The following GUCY2F variants were observed in gnomAD, a reference collection of about 807,000 sequenced individuals.
GUCY2F encodes the protein retinal guanylyl cyclase 2.
Under a neutral mutation model 73.1 loss-of-function variants are expected in GUCY2F, and 61 were observed. The ratio of observed to expected loss-of-function variants is 0.83; its 90% CI spans 0.68 to 1.03. The LOEUF (loss-of-function observed/expected upper bound fraction) is 1.03, where lower values mean the gene tolerates loss of function less well. Among genes scored for constraint, GUCY2F ranks in the 50% least tolerant of loss-of-function variants. GUCY2F has a pLI of 0.00. For synonymous variants in GUCY2F, 331 were observed against 307.8 expected, an observed-to-expected ratio of 1.08 and a Z score of -0.79; for missense variants, 912 against 854.3, an observed-to-expected ratio of 1.07 and a Z score of -0.84.
At chrX:109,386,561 T>C (rs1237472760) in intron 15 of GUCY2F, among the ~76,000 whole-genome samples, 2 of 111,744 alleles carry the variant, frequency 1.8e-5, no homozygotes, top group Non-Finnish European at 3.8e-5. Flanking sequence ...CTAGAGAATT[T>C]TGAGCAAGGA....
chrX:109,467,522 C>T (rs1424314166), intron 2 of GUCY2F, among the ~76,000 whole-genome samples: 1 of 112,844 alleles, frequency 8.9e-6, no homozygotes, highest in African/African-American at 3.2e-5. Flanking sequence ...GTGTTTGGTG[C>T]TGATTGCAAT....
intron 3 of GUCY2F, among the ~76,000 whole-genome samples, chrX:109,455,798 C>G (rs1932246256): frequency 9.0e-6 from 1 of 111,278 alleles, no homozygotes; most frequent in Admixed American, 9.6e-5. Context: ...CCAATTCAGA[C>G]CTATATCCTA....
chrX:109,413,078 C>T lies in GUCY2F; in HGVS notation c.1792-3910G>A, dbSNP rs746296844. ...AAGGTCTATTTGTTAAAACATCTAGCATTACACTAATGGTACTAGCATGGG... is the reference window on the plus strand; with the variant it reads ...AAGGTCTATTTGTTAAAACATCTAGTATTACACTAATGGTACTAGCATGGG... On this transcript the variant is annotated intron_variant, in intron 8 of 19. Coordinates refer to ENST00000218006, the MANE Select transcript of GUCY2F (RefSeq NM_001522.3). 1.8e-5 allele frequency among the ~76,000 whole-genome samples: 2 copies of T among 112,416 alleles called. 1 individual carries two copies. Among genetic ancestry groups the T allele is most frequent in the South Asian group, 7.4e-4 (2 of 2,711 alleles).
chrX:109,415,379 A>T (rs1234927635), intron 8 of GUCY2F, among the ~76,000 whole-genome samples: 1 of 112,525 alleles, frequency 8.9e-6, no homozygotes, highest in East Asian at 2.8e-4. Context: ...TCCCCACAGC[A>T]TATTTTCTGA....
chrX:109,393,783 G>A (rs1930632684), intron 12 of GUCY2F, among the ~76,000 whole-genome samples: 1 of 112,302 alleles, frequency 8.9e-6, no homozygotes. Flanking sequence ...CATAGTATTA[G>A]AATCATGAGG....
chrX:109,412,619 G>C (rs1931138544), intron 8 of GUCY2F, among the ~76,000 whole-genome samples: 2 of 112,477 alleles, frequency 1.8e-5, no homozygotes, highest in Admixed American at 1.9e-4. Flanking sequence ...AAAGTAAAAA[G>C]TTGTCATATT....
intron 2 of GUCY2F, among the ~76,000 whole-genome samples, chrX:109,470,867 G>T (rs1021870035): frequency 1.5e-4 from 17 of 111,429 alleles, no homozygotes; most frequent in African/African-American, 5.6e-4. Context: ...ATGACATTGG[G>T]TAAGTTATTT....
chrX:109,389,400 G>C (rs1309292233), intron 14 of GUCY2F, among the ~76,000 whole-genome samples: 3 of 112,227 alleles, frequency 2.7e-5, no homozygotes, highest in Non-Finnish European at 5.6e-5. Context: ...AAGCTGAAGG[G>C]ACTTTTTATG....
chrX:109,391,448 G>A (rs1486368347), intron 14 of GUCY2F, among the ~76,000 whole-genome samples: 1 of 110,606 alleles, frequency 9.0e-6, no homozygotes, highest in Non-Finnish European at 1.9e-5. Flanking sequence ...GTACCTGAAG[G>A]AGGAGACCAA....
intron 2 of GUCY2F, among the ~76,000 whole-genome samples, chrX:109,467,338 G>A (rs1932489894): frequency 8.9e-6 from 1 of 111,928 alleles, no homozygotes; most frequent in Non-Finnish European, 1.9e-5. Context: ...GGCTTCGGTT[G>A]GCCAGTTTGT....
At position 109,374,767 on chromosome X, in the gene GUCY2F, G is replaced by A. The variant is rs371839446; in HGVS notation, c.*1+1131C>T. On this transcript the variant is annotated intron_variant, in intron 19 of 19. Coordinates refer to ENST00000218006, the MANE Select transcript of GUCY2F (RefSeq NM_001522.3). ...TTGGAAGACTGTAGAACAAATCCTG[G>A]CCCCAGGTGTCAGTGAGTCAGAGGG... Among the ~76,000 whole-genome samples the A allele has an allele frequency of 8.0e-5, 9 of 111,849 alleles. 1 individual carries two copies. The East Asian group carries it at 2.5e-3, about 32-fold the overall frequency.
chrX:109,438,483 T>A (rs185011085), intron 7 of GUCY2F, among the ~76,000 whole-genome samples: 1 of 112,899 alleles, frequency 8.9e-6, no homozygotes, highest in East Asian at 2.8e-4. Context: ...AGATAAACAT[T>A]TCTATTCCAA....
intron 2 of GUCY2F, among the ~76,000 whole-genome samples, chrX:109,471,871 A>G: frequency 8.9e-6 from 1 of 112,143 alleles, no homozygotes; most frequent in Non-Finnish European, 1.9e-5. Context: ...ATTGAGATCT[A>G]TGTGCAAATG....
intron 16 of GUCY2F, chrX:109,383,321 T>A (rs1930363576): frequency 2.6e-6 from 1 of 381,341 alleles, no homozygotes; most frequent in South Asian, 1.3e-4. Context: ...GTAATCTTGA[T>A]GGTAGGGAAC....
At chrX:109,448,551 A>G in intron 5 of GUCY2F, among the ~76,000 whole-genome samples, 1 of 112,047 alleles carries the variant, frequency 8.9e-6, no homozygotes, top group Non-Finnish European at 1.9e-5. Flanking sequence ...TATTTATCCT[A>G]ATAATACCAG....
chrX:109,427,812 A>G (rs1194857807), intron 8 of GUCY2F, among the ~76,000 whole-genome samples: 1 of 112,443 alleles, frequency 8.9e-6, no homozygotes, highest in African/African-American at 3.2e-5. Flanking sequence ...AACAGATGTC[A>G]TGAGGATAAT....
chrX:109,468,407 C>A (rs1932511886), intron 2 of GUCY2F, among the ~76,000 whole-genome samples: 1 of 111,842 alleles, frequency 8.9e-6, no homozygotes, highest in Non-Finnish European at 1.9e-5. Flanking sequence ...CTAACAGCCT[C>A]TTCAGGAAGA....
chrX:109,473,416 A>G (rs1475109975), intron 2 of GUCY2F, among the ~76,000 whole-genome samples: 2 of 112,178 alleles, frequency 1.8e-5, no homozygotes, highest in East Asian at 5.6e-4. Context: ...AAGTGAAAGC[A>G]GCATTTCTCA....
intron 7 of GUCY2F, among the ~76,000 whole-genome samples, chrX:109,436,942 AAAAAAAG>A (rs1348268540): frequency 1.8e-5 from 2 of 110,612 alleles, no homozygotes; most frequent in Non-Finnish European, 3.8e-5. Flanking sequence ...TAATAATAAT[AAAAAAAG>A]AAAAAAGAAG....
Sources: gnomAD v4.1 joint callset for allele counts (sites outside exome capture counted in the v4.1 genomes callset) on GRCh38, gnomAD v4.1.1 for gene constraint, MANE v1.5 for transcripts, NCBI Gene and HGNC (gene_info 2026-07-23, HGNC 2026-07-21) for gene names.